Variants in KHDC4 observed in about 807,000 individuals in gnomAD.
KHDC4 encodes the protein KH domain containing 4, pre-mRNA splicing factor.
In KHDC4, 19 loss-of-function variants were observed where a neutral mutation model predicts 74.5. That is an observed-to-expected ratio of 0.26 (90% CI 0.18 to 0.37). The LOEUF is 0.37. KHDC4 is among the 10% of genes least tolerant of loss of function. The pLI is 1.00. For synonymous variants in KHDC4, 253 were observed against 266.1 expected (o/e 0.95, Z 0.48); for missense variants, 632 against 754.1 (o/e 0.84, Z 1.90).
intron 10 of KHDC4, among the ~76,000 whole-genome samples, chr1:155,918,246 T>G (rs973202820): frequency 6.6e-6 from 1 of 152,168 alleles, no homozygotes; most frequent in African/African-American, 2.4e-5. Flanking sequence ...TTTTGTCTTG[T>G]TTTTGAGACA....
rs774921832 is a variant in KHDC4 at position 155,921,922 on chromosome 1, A to G, written c.955-4T>C. ...ATCTAGAGTATTCAGCATGAACCTG[A>G]AAGAGAGGGGGAAACAAATTAACAT... On this transcript the variant is annotated splice_region_variant and splice_polypyrimidine_tract_variant and intron_variant, in intron 8 of 13. Transcript: ENST00000368321. 5 of 1,600,490 alleles carry G rather than the reference A, an allele frequency of 3.1e-6. No homozygotes were observed. Among genetic ancestry groups the G allele is most frequent in the Non-Finnish European group, 3.4e-6 (4 of 1,168,734 alleles).
chr1:155,920,466 C>T (rs997769969), intron 10 of KHDC4, among the ~76,000 whole-genome samples: 1 of 152,120 alleles, frequency 6.6e-6, no homozygotes, highest in Non-Finnish European at 1.5e-5. Flanking sequence ...GTATACATTT[C>T]TTAAGTTATA....
Position 155,928,601 on chromosome 1 carries a change from A to T in KHDC4, c.464+695T>A, listed in dbSNP as rs954720182. On this transcript the variant is annotated intron_variant, in intron 4 of 13. Transcript: ENST00000368321. ...TATAACCATCATAAAGACAAAAAAA[A>T]AAAAAAAAAAAAAGAGCCCATTTGT... Among the ~76,000 whole-genome samples the T allele has an allele frequency of 1.1e-4, 17 of 150,986 alleles. No homozygotes were observed. The East Asian group carries it at 1.4e-3, about 12-fold the overall frequency.
Position 155,925,853 on chromosome 1 carries a change from G to A in KHDC4, c.682-10C>T. 1.3e-6 allele frequency: 2 copies of A among 1,563,898 alleles called. No individual in the cohort carries two copies. The highest frequency in any genetic ancestry group is 1.8e-6 in the Non-Finnish European group (2 of 1,134,468). On this transcript the variant is annotated splice_polypyrimidine_tract_variant and intron_variant, in intron 6 of 13. Transcript: ENST00000368321. The stretch of plus-strand genomic sequence containing the variant: ...CTTGAACATAATGCATCTGTAGGAA[G>A]AACAGAATACTTCAGATTAAACAGA...
chr1:155,926,615 C>T, intron 6 of KHDC4, 61 bp downstream of exon 6: 1 of 1,565,158 alleles, frequency 6.4e-7, no homozygotes, highest in Admixed American at 1.7e-5. Flanking sequence ...CTGTGCCTGG[C>T]CAGCACATAT....
chr1:155,913,986 A>AG lies in KHDC4; in HGVS notation c.*134dup, dbSNP rs1172355724. 80 of 685,966 alleles carry AG rather than the reference A, an allele frequency of 1.2e-4. No homozygotes were observed. In the South Asian group the frequency reaches 1.5e-3, roughly 13 times the overall value. The allele number at this position is 685,966 out of a possible 1,614,324, so 42.5% of individuals were successfully genotyped here. ...GGTTGTTAAGGAACCCCTTTAAGAAAGGGGGGCACTGAATCTCTAACTTCT... is the reference window on the plus strand; with the variant it reads ...GGTTGTTAAGGAACCCCTTTAAGAAAGGGGGGGCACTGAATCTCTAACTTCT... On this transcript the variant is annotated 3_prime_UTR_variant, in exon 14 of 14. Transcript: ENST00000368321.
At position 155,921,603 on chromosome 1, in the gene KHDC4, A is replaced by G; in HGVS notation, c.1038T>C (p.Ser346=). The change falls in exon 10 of 14, where the codon AGT becomes AGC. Residue 346 remains serine (S), a synonymous_variant. Transcript: ENST00000368321. ...AATATGGTGGTTGAGGAGGGACACT[A>G]CTTATAGCAGAGGGTTGTGTATAGC... ...LPGYTQPSAI[S]SVPPQPPYYP... 1 of 1,614,108 alleles carries G rather than the reference A, an allele frequency of 6.2e-7. No individual in the cohort carries two copies. Among genetic ancestry groups the G allele is most frequent in the Non-Finnish European group, 8.5e-7 (1 of 1,180,004 alleles).
At chr1:155,931,785 C>G (rs1674146699) in intron 2 of KHDC4, among the ~76,000 whole-genome samples, 2 of 152,184 alleles carry the variant, frequency 1.3e-5, no homozygotes, top group Non-Finnish European at 2.9e-5. Flanking sequence ...GCATTAAATA[C>G]ATTTTTTAAA....
rs573749474 is a variant in KHDC4 at position 155,913,858 on chromosome 1, G to T, written c.*263C>A. 1.4e-4 allele frequency: 65 copies of T among 467,122 alleles called. No homozygotes were observed. In the East Asian group the frequency reaches 1.6e-3, roughly 12 times the overall value. The allele number at this position is 467,122 out of a possible 1,614,324, so 28.9% of individuals were successfully genotyped here. A position where few individuals can be genotyped will look rare whatever the true frequency, so the allele number is the denominator to read the frequency against. ...ACGACCCTGTTAGGATGCTTTGTTG[G>T]ACAAGCACATTTCACCAACTGTTAA... is the stretch of plus-strand genomic sequence containing the variant. On this transcript the variant is annotated 3_prime_UTR_variant, in exon 14 of 14. Transcript: ENST00000368321.
Position 155,917,498 on chromosome 1 carries a change from C to G in KHDC4, c.1440+1G>C. 1 of 1,610,198 alleles carries G rather than the reference C, an allele frequency of 6.2e-7. No individual in the cohort carries two copies. Among genetic ancestry groups the G allele is most frequent in the Non-Finnish European group, 8.5e-7 (1 of 1,176,840 alleles). On this transcript the variant is annotated splice_donor_variant, in intron 11 of 13. Transcript: ENST00000368321. LOFTEE classifies it high-confidence loss of function. ...TAGGAAAACAGGGTATTTTATTTAA[C>G]CTGGTATCCAAGCAGTCCAGATTCC...
In KHDC4 at chr1:155,916,652, G is replaced by A; in HGVS notation, c.1526C>T (p.Ser509Phe). Residue 509 changes from serine to phenylalanine, a missense_variant, in exon 12 of 14, where the codon TCC (serine) becomes TTC (phenylalanine). By Grantham distance (155) the Ser-to-Phe change is radical (BLOSUM62 -2). Around this residue, in one of 4 missense-constraint regions of KHDC4, gnomAD observed 254 missense variants for 267.4 expected, o/e 0.95. Transcript: ENST00000368321. ...IEGAGSKPASSSGKERERDRQ... is the reference protein window; with the variant it reads ...IEGAGSKPASFSGKERERDRQ... ...GTCCCTCTCTCTCTCTTTGCCTGAGGAACTTGCTGGCTTCGATCCTGCACC... is the reference window on the plus strand; with the variant it reads ...GTCCCTCTCTCTCTCTTTGCCTGAGAAACTTGCTGGCTTCGATCCTGCACC... 6.2e-7 allele frequency: 1 copy of A among 1,613,240 alleles called. No homozygotes were observed. The highest frequency in any genetic ancestry group is 8.5e-7 in the Non-Finnish European group (1 of 1,179,712).
At position 155,921,869 on chromosome 1, in the gene KHDC4, G is replaced by T; in HGVS notation, c.1004C>A (p.Pro335His). The T allele has an allele frequency of 6.2e-7, 1 of 1,604,136 alleles. No individual in the cohort carries two copies. The highest frequency in any genetic ancestry group is 8.5e-7 in the Non-Finnish European group (1 of 1,173,000). Residue 335 changes from proline (P) to histidine (H), a missense_variant, in exon 9 of 14, where the codon CCT becomes CAT. By Grantham distance (77) the Pro-to-His change is moderately conservative (BLOSUM62 -2). Around this residue, in one of 4 missense-constraint regions of KHDC4, gnomAD observed 233 missense variants for 342.6 expected, o/e 0.68. Transcript: ENST00000368321. ...RFVNQINTAV[P>H]LPGYTQPSAI... is the part of the protein sequence containing the mutation. The stretch of plus-strand genomic sequence containing the variant: ...CTTCAAGATGTACACACCTGGTAAA[G>T]GTACAGCAGTATTAATCTGATTCAC...
intron 6 of KHDC4, chr1:155,926,192 A>C (rs1673990335): frequency 2.3e-6 from 1 of 440,652 alleles, no homozygotes; most frequent in Non-Finnish European, 4.4e-6. Flanking sequence ...CAATATGAAG[A>C]AATGTGTGAT....
intron 6 of KHDC4, chr1:155,926,093 C>T: frequency 1.5e-6 from 1 of 675,656 alleles, no homozygotes; most frequent in Non-Finnish European, 2.8e-6. Flanking sequence ...CAGTTGTCAT[C>T]AAGTTTACAA....
intron 1 of KHDC4, 92 bp downstream of exon 1, chr1:155,934,244 G>T: frequency 7.5e-7 from 1 of 1,336,394 alleles, no homozygotes; most frequent in Non-Finnish European, 1.0e-6. Context: ...CCCACTTAAG[G>T]ACCCTTCCAC....
intron 2 of KHDC4, 190 bp downstream of exon 2, chr1:155,933,443 G>A (rs1029797486): frequency 6.6e-6 from 3 of 456,410 alleles, no homozygotes; most frequent in African/African-American, 4.0e-5. Flanking sequence ...GTGCCACCAT[G>A]CCCGACTAAT....
At chr1:155,920,016 G>C (rs760993108) in intron 10 of KHDC4, 1 of 517,046 alleles carries the variant, frequency 1.9e-6, no homozygotes, top group Non-Finnish European at 3.9e-6. Context: ...GGCCCACAGA[G>C]AAGGACCCAC....
chr1:155,933,864 A>T lies in KHDC4; in HGVS notation c.39-15T>A. ...TGCTGCGGCGCCTACATGGAGAAAA[A>T]GGAAAACATTAGGCCCCAAAGCTTT... is the stretch of plus-strand genomic sequence containing the variant. On this transcript the variant is annotated splice_polypyrimidine_tract_variant and intron_variant, in intron 1 of 13. Coordinates refer to ENST00000368321, the MANE Select transcript of KHDC4 (RefSeq NM_014949.4). 6.6e-7 allele frequency: 1 copy of T among 1,510,358 alleles called. No homozygotes were observed. The highest frequency in any genetic ancestry group is 8.9e-7 in the Non-Finnish European group (1 of 1,124,322). 93.6% of individuals were successfully genotyped at this position (1,510,358 alleles called of 1,614,324 possible).
chr1:155,921,515 G>C lies in KHDC4; in HGVS notation c.1126C>G (p.Pro376Ala). ...VVPPPQQPVQ[P>A]PYGVPSIVPP... ...ACTATGCTTGGTACTCCGTAGGGAGGTTGAACTGGCTGCTGAGGAGGGGGA... is the reference window on the plus strand; with the variant it reads ...ACTATGCTTGGTACTCCGTAGGGAGCTTGAACTGGCTGCTGAGGAGGGGGA... The change falls in exon 10 of 14, where the codon CCT becomes GCT. Residue 376 changes from proline (P) to alanine (A), a missense_variant. Pro to Ala is a conservative substitution (Grantham distance 27). This residue lies in a region of KHDC4 where 254 missense variants were observed against 267.4 expected (regional missense o/e 0.95). Transcript: ENST00000368321. The C allele has an allele frequency of 6.2e-7, 1 of 1,614,132 alleles. No homozygotes were observed. Among genetic ancestry groups the C allele is most frequent in the Admixed American group, 1.7e-5 (1 of 60,012 alleles).
Sources: gnomAD v4.1 joint callset for allele counts (sites outside exome capture counted in the v4.1 genomes callset) on GRCh38, gnomAD v4.1.1 for gene constraint, gnomAD v4.1.1 regional missense constraint, MANE v1.5 for transcripts, NCBI Gene and HGNC (gene_info 2026-07-23, HGNC 2026-07-21) for gene names.